Variants in DNAJC6 observed in about 807,000 individuals in gnomAD.
DNAJC6 encodes auxilin.
DNAJC6 carries 34 observed loss-of-function variants against 110.0 expected under a neutral mutation model. That is an observed-to-expected ratio of 0.31 (90% CI 0.24 to 0.41). The LOEUF is 0.41. Among genes scored for constraint, DNAJC6 ranks in the 10% least tolerant of loss-of-function variants. The probability of loss-of-function intolerance (pLI) is 1.00; values close to 1 mark genes in which losing one functional copy is unlikely to be tolerated. For synonymous variants in DNAJC6, 406 were observed against 437.2 expected, an observed-to-expected ratio of 0.93 and a Z score of 0.89; for missense variants, 1,031 against 1,207.8, an observed-to-expected ratio of 0.85 and a Z score of 2.17.
chr1:65,401,617 A>G, intron 14 of DNAJC6, 144 bp from the exon 15 acceptor site: 1 of 1,156,318 alleles, frequency 8.6e-7, no homozygotes, highest in Non-Finnish European at 1.2e-6. Flanking sequence ...GGTCAGGGAA[A>G]CAGGGTCTAG....
At chr1:65,311,008 TG>T (rs1232955383) in intron 1 of DNAJC6, among the ~76,000 whole-genome samples, 3 of 152,262 alleles carry the variant, frequency 2.0e-5, no homozygotes, top group Admixed American at 2.0e-4. Flanking sequence ...AATTGTGTAA[TG>T]GCTGTCCTTG....
intron 4 of DNAJC6, among the ~76,000 whole-genome samples, chr1:65,377,878 C>G (rs1284606348): frequency 1.3e-5 from 2 of 152,186 alleles, no homozygotes; most frequent in Admixed American, 6.5e-5. Flanking sequence ...ATTCTGACAT[C>G]ATCTGTATGA....
intron 1 of DNAJC6, among the ~76,000 whole-genome samples, chr1:65,272,702 GTTTA>G (rs1000646592): frequency 1.6e-5 from 2 of 126,752 alleles, no homozygotes; most frequent in African/African-American, 5.5e-5. Context: ...TTGTTTGTTT[GTTTA>G]TTTATTTTAC....
chr1:65,360,771 T>C (rs1645589458), intron 1 of DNAJC6, among the ~76,000 whole-genome samples: 1 of 152,134 alleles, frequency 6.6e-6, no homozygotes, highest in African/African-American at 2.4e-5. Context: ...CCTGGCCTTT[T>C]ATTCAGGGCT....
intron 1 of DNAJC6, among the ~76,000 whole-genome samples, chr1:65,284,870 T>G (rs1373768707): frequency 3.3e-5 from 5 of 151,994 alleles, no homozygotes; most frequent in Non-Finnish European, 4.4e-5. Context: ...GTATTTTCAG[T>G]AGAGATGGGG....
chr1:65,307,008 C>A (rs867547549), upstream of DNAJC6, among the ~76,000 whole-genome samples: 199 of 93,138 alleles, frequency 2.1e-3, no homozygotes, highest in African/African-American at 6.5e-3. Flanking sequence ...CTCTCTCTCT[C>A]TCTCTCTCTC....
chr1:65,283,190 G>A (rs1211714217), intron 1 of DNAJC6, among the ~76,000 whole-genome samples: 2 of 152,168 alleles, frequency 1.3e-5, no homozygotes, highest in Non-Finnish European at 2.9e-5. Context: ...GTTTATGTTT[G>A]TAGCTCTATG....
At chr1:65,398,755 C>T in intron 13 of DNAJC6, 58 bp from the exon 14 acceptor site, 1 of 1,589,876 alleles carries the variant, frequency 6.3e-7, no homozygotes, top group Non-Finnish European at 8.6e-7. Flanking sequence ...TGTGTGAACT[C>T]AGAAAAGTGG....
chr1:65,271,417 C>G (rs1039802123), intron 1 of DNAJC6, among the ~76,000 whole-genome samples: 1 of 152,090 alleles, frequency 6.6e-6, no homozygotes, highest in Non-Finnish European at 1.5e-5. Context: ...CTGCCCATGC[C>G]CCCACCTCCC....
rs1646160401 is a variant in DNAJC6, at chr1:65,415,271, A to C, written c.*2246A>C. The stretch of plus-strand genomic sequence containing the variant: ...TTTGTAATGTATATTAAAAGGTTCA[A>C]AAATATTTGTATAAATCTAAGTTAT... On this transcript the variant is annotated 3_prime_UTR_variant, in exon 19 of 19. Coordinates refer to ENST00000371069, the MANE Select transcript of DNAJC6 (RefSeq NM_001256864.2). The C allele has an allele frequency of 6.6e-6, 1 of 152,216 alleles. No homozygotes were observed. Among genetic ancestry groups the C allele is most frequent in the Admixed American group, 6.5e-5 (1 of 15,280 alleles). 9.4% of individuals were successfully genotyped at this position (152,216 alleles called of 1,614,324 possible).
intron 1 of DNAJC6, among the ~76,000 whole-genome samples, chr1:65,315,079 A>G (rs1008288322): frequency 2.0e-5 from 3 of 152,178 alleles, no homozygotes; most frequent in African/African-American, 4.8e-5. Flanking sequence ...TTTGGGCAAA[A>G]TCAGCCTTTC....
chr1:65,326,461 T>C (rs1309292284), intron 1 of DNAJC6, among the ~76,000 whole-genome samples: 2 of 152,094 alleles, frequency 1.3e-5, no homozygotes, highest in African/African-American at 4.8e-5. Flanking sequence ...CAGGAAGAAA[T>C]AGAATGATAA....
rs370503769 is a variant in DNAJC6 at position 65,411,399 on chromosome 1, G to A, written c.2784G>A (p.Lys928=). The stretch of plus-strand genomic sequence containing the variant: ...AGCAGGTGAAGAAGGTGTACAGGAA[G>A]GCTGTCCTGGTGGTGCACCCAGATA... The part of the protein sequence containing the change: ...TPEQVKKVYR[K]AVLVVHPDKA... Residue 928 remains lysine, a synonymous_variant, in exon 18 of 19, where the codon AAG becomes AAA. Coordinates refer to ENST00000371069, the MANE Select transcript of DNAJC6 (RefSeq NM_001256864.2). 4 of 1,613,932 alleles carry A rather than the reference G, an allele frequency of 2.5e-6. No homozygotes were observed. The African/African-American group carries it at 5.3e-5, about 22-fold the overall frequency.
Position 65,413,398 on chromosome 1 carries a change from T to C in DNAJC6, c.*373T>C, listed in dbSNP as rs955456608. ...GAATAGGATTAATGAGCAAAAGTTA[T>C]GATAATAGAGTTATATGATGGTTTA... On this transcript the variant is annotated 3_prime_UTR_variant, in exon 19 of 19. Coordinates refer to ENST00000371069, the MANE Select transcript of DNAJC6 (RefSeq NM_001256864.2). 1.2e-5 allele frequency: 2 copies of C among 171,438 alleles called. No individual in the cohort carries two copies. The highest frequency in any genetic ancestry group is 1.2e-5 in the Non-Finnish European group (1 of 80,344). 10.6% of individuals were successfully genotyped at this position (171,438 alleles called of 1,614,324 possible).
intron 1 of DNAJC6, among the ~76,000 whole-genome samples, chr1:65,311,215 GTTTTTTTTTTTTTT>G (rs71056098): frequency 1.6e-4 from 11 of 68,888 alleles, no homozygotes; most frequent in African/African-American, 3.9e-4. Flanking sequence ...TTTCAGGACT[GTTTTTTTTTTTTTT>G]TTTTTTTTTT....
intron 1 of DNAJC6, among the ~76,000 whole-genome samples, chr1:65,288,950 A>G (rs1236360186): frequency 1.3e-5 from 2 of 152,334 alleles, no homozygotes; most frequent in African/African-American, 4.8e-5. Context: ...GAAAAGTACT[A>G]CTATGAATAT....
At chr1:65,296,343 A>G (rs771200286) in intron 1 of DNAJC6, among the ~76,000 whole-genome samples, 1 of 152,206 alleles carries the variant, frequency 6.6e-6, no homozygotes, top group Non-Finnish European at 1.5e-5. Context: ...GTAGAAATGG[A>G]AAGTAGAAGT....
upstream of DNAJC6, among the ~76,000 whole-genome samples, chr1:65,307,243 A>G (rs1645052837): frequency 6.6e-6 from 1 of 151,858 alleles, no homozygotes; most frequent in African/African-American, 2.4e-5. Flanking sequence ...TAACCTAGTT[A>G]TTGTATTTTC....
At chr1:65,277,975 A>G (rs1396987088) in intron 1 of DNAJC6, among the ~76,000 whole-genome samples, 4 of 152,186 alleles carry the variant, frequency 2.6e-5, no homozygotes, top group African/African-American at 9.7e-5. Context: ...ATTTCTAAAG[A>G]GCTAAGTAGG....
Sources: gnomAD v4.1 joint callset for allele counts (sites outside exome capture counted in the v4.1 genomes callset) on GRCh38, gnomAD v4.1.1 for gene constraint, MANE v1.5 for transcripts, NCBI Gene and HGNC (gene_info 2026-07-23, HGNC 2026-07-21) for gene names.